Variants in MGAT4C observed in about 807,000 individuals in gnomAD.
MGAT4C encodes MGAT4 family member C.
In MGAT4C, 19 loss-of-function variants were observed where a neutral mutation model predicts 40.1. That is an observed-to-expected ratio of 0.47 (90% CI 0.33 to 0.70). MGAT4C has a LOEUF of 0.70. Among genes scored for constraint, MGAT4C ranks in the 30% least tolerant of loss-of-function variants. The pLI is 0.02. For missense variants in MGAT4C, 491 were observed against 563.2 expected, an observed-to-expected ratio of 0.87 and a Z score of 1.30; for synonymous variants, 181 against 187.1, an observed-to-expected ratio of 0.97 and a Z score of 0.27.
At chr12:86,476,704 A>G (rs1193808221) in intron 2 of MGAT4C, among the ~76,000 whole-genome samples, 4 of 152,170 alleles carry the variant, frequency 2.6e-5, no homozygotes, top group Non-Finnish European at 5.9e-5. Flanking sequence ...TGGATTGGAT[A>G]AAGAAAATAT....
chr12:86,438,927 A>G (rs759274739), intron 2 of MGAT4C, among the ~76,000 whole-genome samples: 2 of 151,954 alleles, frequency 1.3e-5, no homozygotes, highest in African/African-American at 4.8e-5. Flanking sequence ...CAACAAAAAG[A>G]TGTTATAAGC....
chr12:86,479,320 A>G (rs927881142), intron 2 of MGAT4C, among the ~76,000 whole-genome samples: 8 of 152,030 alleles, frequency 5.3e-5, no homozygotes, highest in African/African-American at 1.7e-4. Context: ...GAAATAGTAG[A>G]GCAAGGAAAG....
chr12:86,702,202 C>T (rs990953970), intron 2 of MGAT4C, among the ~76,000 whole-genome samples: 2 of 139,692 alleles, frequency 1.4e-5, no homozygotes, highest in African/African-American at 5.0e-5. Context: ...ACCCACACAC[C>T]CAGCTATTTT....
At chr12:86,402,835 T>G (rs1008322920) in intron 3 of MGAT4C, among the ~76,000 whole-genome samples, 1 of 152,242 alleles carries the variant, frequency 6.6e-6, no homozygotes, top group East Asian at 1.9e-4. Context: ...TTTCTTTCTT[T>G]TAATGTGATT....
At chr12:86,093,598 C>T (rs759414276) in intron 1 of MGAT4C, among the ~76,000 whole-genome samples, 1 of 151,892 alleles carries the variant, frequency 6.6e-6, no homozygotes, top group Non-Finnish European at 1.5e-5. Flanking sequence ...TGTGGTGGTA[C>T]TCGCCTGTAG....
chr12:86,381,492 T>C (rs544184967), intron 3 of MGAT4C, among the ~76,000 whole-genome samples: 2 of 152,208 alleles, frequency 1.3e-5, no homozygotes, highest in South Asian at 2.1e-4. Context: ...GAAAAATCTA[T>C]CTCAACTCTC....
chr12:86,602,042 C>T (rs1436120910), intron 2 of MGAT4C, among the ~76,000 whole-genome samples: 1 of 152,190 alleles, frequency 6.6e-6, no homozygotes, highest in African/African-American at 2.4e-5. Flanking sequence ...GTAGCAGCCT[C>T]GCATGAAGCC....
chr12:86,168,719 T>C (rs1404123888), intron 1 of MGAT4C, among the ~76,000 whole-genome samples: 1 of 152,140 alleles, frequency 6.6e-6, no homozygotes, highest in Non-Finnish European at 1.5e-5. Context: ...GATTATGTGT[T>C]TTCCACTGTT....
At position 85,975,071 on chromosome 12, in the gene MGAT4C, G is replaced by A. The variant is rs1883873657; in HGVS notation, c.*4218C>T. On this transcript the variant is annotated 3_prime_UTR_variant, in exon 5 of 5. Transcript: ENST00000611864. ...AAATGGATCAAGATTTCTTAAAACAGAAATGAATATTATTATTTGTGATGA... is the reference window on the plus strand; with the variant it reads ...AAATGGATCAAGATTTCTTAAAACAAAAATGAATATTATTATTTGTGATGA... The A allele has an allele frequency of 6.6e-6, 1 of 150,832 alleles. No individual in the cohort carries two copies. Among genetic ancestry groups the A allele is most frequent in the South Asian group, 2.1e-4 (1 of 4,830 alleles). The allele number at this position is 150,832 out of a possible 1,614,324, so 9.3% of individuals were successfully genotyped here. A position where few individuals can be genotyped will look rare whatever the true frequency, so the allele number is the denominator to read the frequency against.
chr12:86,524,727 T>C (rs1007907851), intron 2 of MGAT4C, among the ~76,000 whole-genome samples: 4 of 152,172 alleles, frequency 2.6e-5, no homozygotes, highest in African/African-American at 9.7e-5. Context: ...TTTGGTATCT[T>C]TATATAATTC....
At chr12:86,828,878 G>A (rs949321434) in intron 1 of MGAT4C, among the ~76,000 whole-genome samples, 3 of 151,526 alleles carry the variant, frequency 2.0e-5, no homozygotes, top group East Asian at 1.9e-4. Flanking sequence ...AAGTGGACAC[G>A]TGGATTCTTT....
intron 1 of MGAT4C, among the ~76,000 whole-genome samples, chr12:86,162,517 A>G (rs1324710296): frequency 6.6e-6 from 1 of 152,152 alleles, no homozygotes; most frequent in Non-Finnish European, 1.5e-5. Flanking sequence ...AGTGAGTTAA[A>G]AAAACTACCT....
chr12:86,683,891 C>A (rs1300716392), intron 2 of MGAT4C, among the ~76,000 whole-genome samples: 1 of 152,196 alleles, frequency 6.6e-6, no homozygotes, highest in African/African-American at 2.4e-5. Flanking sequence ...GCTGTCTTAT[C>A]TAATTTCAAC....
rs1285561341 is a variant in MGAT4C at position 85,960,522 on chromosome 12, ATCCT to A, written c.*18763_*18766del. ...TGACATGCTCTCAGCAAATCAATTA[ATCCT>A]TCATTCTTTTTTTCTCCCCTTACTC... On this transcript the variant is annotated 3_prime_UTR_variant, in exon 5 of 5. Transcript: ENST00000611864. The A allele has an allele frequency of 2.0e-5, 3 of 152,130 alleles. No homozygotes were observed. Among genetic ancestry groups the A allele is most frequent in the East Asian group, 3.9e-4 (2 of 5,176 alleles). 9.4% of individuals were successfully genotyped at this position (152,130 alleles called of 1,614,324 possible). A position where few individuals can be genotyped will look rare whatever the true frequency, so the allele number is the denominator to read the frequency against.
At position 85,961,278 on chromosome 12, in the gene MGAT4C, G is replaced by GA. The variant is rs1388289566; in HGVS notation, c.*18010dup. Reference sequence around the variant, plus strand: ...GAACTTTTTACAGTCTTATTGGAGAGAAAAACACATTAAATGATCAAATAA... The same window carrying GA: ...GAACTTTTTACAGTCTTATTGGAGAGAAAAAACACATTAAATGATCAAATAA... On this transcript the variant is annotated 3_prime_UTR_variant, in exon 5 of 5. Coordinates refer to ENST00000611864, the MANE Select transcript of MGAT4C (RefSeq NM_001351288.2). The GA allele has an allele frequency of 3.3e-5, 5 of 151,714 alleles. No homozygotes were observed. Among genetic ancestry groups the GA allele is most frequent in the African/African-American group, 1.2e-4 (5 of 41,378 alleles). 9.4% of individuals were successfully genotyped at this position (151,714 alleles called of 1,614,324 possible).
intron 2 of MGAT4C, among the ~76,000 whole-genome samples, chr12:86,664,133 T>A (rs1459399161): frequency 9.0e-6 from 1 of 110,690 alleles, no homozygotes; most frequent in Non-Finnish European, 1.8e-5. Flanking sequence ...GCACAGTCAA[T>A]TTTTTTTTTT....
Position 86,787,343 on chromosome 12 carries a change from T to C in MGAT4C, c.-262+51323A>G, listed in dbSNP as rs1408154658. On this transcript the variant is annotated intron_variant, in intron 1 of 7. Transcript: ENST00000548651. Reference sequence around the variant, plus strand: ...TTTCATTATTTTTATGACTGAGTAGTATTCAATTTTGTATATGTGTATGCA... The same window carrying C: ...TTTCATTATTTTTATGACTGAGTAGCATTCAATTTTGTATATGTGTATGCA... Among the ~76,000 whole-genome samples the C allele has an allele frequency of 2.0e-5, 3 of 152,164 alleles. No individual in the cohort carries two copies. In the East Asian group the frequency reaches 5.8e-4, roughly 29 times the overall value.
intron 1 of MGAT4C, among the ~76,000 whole-genome samples, chr12:86,731,816 T>G (rs1950914329): frequency 6.6e-6 from 1 of 152,146 alleles, no homozygotes; most frequent in Non-Finnish European, 1.5e-5. Flanking sequence ...GCATTAAGGT[T>G]TTCGCATCAC....
chr12:86,680,068 G>A (rs578125144), intron 2 of MGAT4C, among the ~76,000 whole-genome samples: 1 of 151,840 alleles, frequency 6.6e-6, no homozygotes, highest in South Asian at 2.1e-4. Flanking sequence ...ATTTCCTTGT[G>A]TATGTTTATT....
Sources: allele counts gnomAD v4.1 joint callset (sites outside exome capture counted in the v4.1 genomes callset), GRCh38; gene constraint gnomAD v4.1.1; transcripts MANE v1.5; gene names NCBI Gene and HGNC (gene_info 2026-07-23, HGNC 2026-07-21).